COLEC12: variants seen among roughly 807,000 people sequenced by gnomAD.
The protein encoded by COLEC12 is collectin subfamily member 12, also known as collectin-12.
COLEC12 carries 33 observed loss-of-function variants against 71.1 expected under a neutral mutation model. The observed-to-expected ratio is 0.46, with a 90% CI of 0.35 to 0.62. COLEC12 has a LOEUF of 0.62. COLEC12 is among the 20% of genes least tolerant of loss of function. The probability of loss-of-function intolerance (pLI) is 0.00; values close to 1 mark genes in which losing one functional copy is unlikely to be tolerated. For synonymous variants in COLEC12, 350 were observed against 353.0 expected, an observed-to-expected ratio of 0.99 and a Z score of 0.10; for missense variants, 765 against 916.1, an observed-to-expected ratio of 0.84 and a Z score of 2.13.
At chr18:477,217 G>C (rs1207086352) in intron 2 of COLEC12, among the ~76,000 whole-genome samples, 1 of 152,154 alleles carries the variant, frequency 6.6e-6, no homozygotes, top group Admixed American at 6.5e-5. Context: ...GTAATAGTAT[G>C]CTAAATTTGA....
chr18:405,566 G>A (rs979971312), intron 2 of COLEC12, among the ~76,000 whole-genome samples: 12 of 152,108 alleles, frequency 7.9e-5, no homozygotes, highest in Admixed American at 5.2e-4. Flanking sequence ...TAGAACCTAC[G>A]TTGAAATATT....
At chr18:420,594 G>A (rs895351219) in intron 2 of COLEC12, among the ~76,000 whole-genome samples, 32 of 152,278 alleles carry the variant, frequency 2.1e-4, no homozygotes, top group African/African-American at 2.9e-4. Flanking sequence ...GAGGTTAAAC[G>A]CCTGACTGGA....
intron 2 of COLEC12, among the ~76,000 whole-genome samples, chr18:427,321 C>T (rs573333935): frequency 2.6e-5 from 4 of 151,514 alleles, no homozygotes; most frequent in Admixed American, 1.3e-4. Flanking sequence ...AATTCAGCTA[C>T]GCCAGCAATG....
chr18:326,213 G>T (rs1022376703), intron 8 of COLEC12, among the ~76,000 whole-genome samples: 12 of 152,048 alleles, frequency 7.9e-5, no homozygotes, highest in African/African-American at 2.9e-4. Flanking sequence ...TTTCCTTTGT[G>T]ATTTTTCTCT....
chr18:481,399 C>G (rs563127996), intron 1 of COLEC12, among the ~76,000 whole-genome samples: 2 of 152,116 alleles, frequency 1.3e-5, no homozygotes, highest in African/African-American at 4.8e-5. Context: ...AATGCATACC[C>G]ACCATGGAAA....
At chr18:343,991 C>T (rs968913366) in intron 5 of COLEC12, among the ~76,000 whole-genome samples, 1 of 152,220 alleles carries the variant, frequency 6.6e-6, no homozygotes, top group Non-Finnish European at 1.5e-5. Flanking sequence ...CATGTCCTTA[C>T]TTGGCTGATA....
chr18:380,122 C>G (rs568333943), intron 2 of COLEC12, among the ~76,000 whole-genome samples: 4 of 152,292 alleles, frequency 2.6e-5, no homozygotes, highest in Admixed American at 2.6e-4. Flanking sequence ...AGTAGTTTCC[C>G]TTTGCCTAGA....
intron 3 of COLEC12, among the ~76,000 whole-genome samples, chr18:356,314 G>A (rs1451803499): frequency 6.6e-6 from 1 of 152,120 alleles, no homozygotes; most frequent in Non-Finnish European, 1.5e-5. Flanking sequence ...ATTCACACCT[G>A]GGTATGGAGC....
intron 2 of COLEC12, among the ~76,000 whole-genome samples, chr18:383,535 G>A (rs1226195010): frequency 1.3e-5 from 2 of 152,128 alleles, no homozygotes; most frequent in African/African-American, 2.4e-5. Context: ...GATTATATTG[G>A]TTTTGTATAA....
chr18:471,492 A>G (rs1278044220), intron 2 of COLEC12, among the ~76,000 whole-genome samples: 1 of 151,870 alleles, frequency 6.6e-6, no homozygotes, highest in Non-Finnish European at 1.5e-5. Context: ...CTTTTTATAA[A>G]CTGTCAAAAA....
At chr18:463,029 C>A (rs777374050) in intron 2 of COLEC12, among the ~76,000 whole-genome samples, 3 of 152,108 alleles carry the variant, frequency 2.0e-5, no homozygotes, top group Non-Finnish European at 4.4e-5. Flanking sequence ...TCAGGAGAAG[C>A]GGGGGAGTCA....
At position 480,946 on chromosome 18, in the gene COLEC12, C is replaced by T. The variant is rs1463619450; in HGVS notation, c.8-189G>A. ...CTGGCTGCTCCTGCTGCTTGGGATG[C>T]ACTTCCTCTGTTCCTAATGTGACTC... On this transcript the variant is annotated intron_variant, in intron 1 of 9. Coordinates refer to ENST00000400256, the MANE Select transcript of COLEC12 (RefSeq NM_130386.3). This position sits in a 1 kb window ranked among gnomAD's most constrained non-coding sequence, Gnocchi z 4.1. Among the ~76,000 whole-genome samples the T allele has an allele frequency of 1.3e-5, 2 of 152,144 alleles. No individual in the cohort carries two copies. Among genetic ancestry groups the T allele is most frequent in the African/African-American group, 4.8e-5 (2 of 41,434 alleles).
At chr18:418,682 A>G (rs1194427018) in intron 2 of COLEC12, among the ~76,000 whole-genome samples, 1 of 152,240 alleles carries the variant, frequency 6.6e-6, no homozygotes, top group Non-Finnish European at 1.5e-5. Flanking sequence ...CCTGACTGCT[A>G]CACTCCCACC....
intron 2 of COLEC12, among the ~76,000 whole-genome samples, chr18:443,514 T>C (rs1054777885): frequency 1.3e-5 from 2 of 152,226 alleles, no homozygotes; most frequent in Non-Finnish European, 1.5e-5. Flanking sequence ...TGGTTGTCTG[T>C]TCAGGTTTTC....
intron 2 of COLEC12, among the ~76,000 whole-genome samples, chr18:434,537 C>T (rs1408227754): frequency 6.6e-6 from 1 of 152,210 alleles, no homozygotes; most frequent in Non-Finnish European, 1.5e-5. Context: ...CATTCTTCCT[C>T]TGCAAAACCT....
chr18:348,255 A>T (rs1157828832), intron 3 of COLEC12, 92 bp from the exon 4 acceptor site: 1 of 801,660 alleles, frequency 1.2e-6, no homozygotes, highest in Non-Finnish European at 2.1e-6. Context: ...TATGGAACAA[A>T]GGAAACAGAT....
chr18:488,856 G>C (rs1020543951), intron 1 of COLEC12, among the ~76,000 whole-genome samples: 1 of 150,156 alleles, frequency 6.7e-6, no homozygotes, highest in Non-Finnish European at 1.5e-5. Context: ...CTAGGCGACA[G>C]AGCAAGACTC....
At chr18:435,751 T>C (rs1048887232) in intron 2 of COLEC12, among the ~76,000 whole-genome samples, 1 of 152,240 alleles carries the variant, frequency 6.6e-6, no homozygotes, top group African/African-American at 2.4e-5. Flanking sequence ...TAACATTATA[T>C]TGAGTAGCCT....
At chr18:340,087 A>AAAAAAAC (rs1555613055) in intron 5 of COLEC12, among the ~76,000 whole-genome samples, 4 of 151,420 alleles carry the variant, frequency 2.6e-5, no homozygotes, top group African/African-American at 4.9e-5. Flanking sequence ...AAAAAAAAAA[A>AAAAAAAC]AAAACAAAAA....
Sources: allele counts gnomAD v4.1 joint callset (sites outside exome capture counted in the v4.1 genomes callset), GRCh38; gene constraint gnomAD v4.1.1; non-coding constraint Gnocchi (gnomAD v3.1); transcripts MANE v1.5; gene names NCBI Gene and HGNC (gene_info 2026-07-23, HGNC 2026-07-21).